Variants in STK24 observed in about 807,000 individuals in gnomAD.
STK24 encodes the protein serine/threonine kinase 24, also known as serine/threonine-protein kinase 24.
Under a neutral mutation model 55.6 loss-of-function variants are expected in STK24, and 21 were observed. The observed-to-expected ratio is 0.38, with a 90% CI of 0.27 to 0.54. STK24 has a LOEUF of 0.54. Ranked by LOEUF, STK24 falls within the 20% of genes least tolerant of loss-of-function variation. The probability of loss-of-function intolerance (pLI) is 0.79; values close to 1 mark genes in which losing one functional copy is unlikely to be tolerated. For synonymous variants in STK24, 200 were observed against 215.2 expected (o/e 0.93, Z 0.62); for missense variants, 383 against 538.4 (o/e 0.71, Z 2.86).
chr13:98,476,642 TC>T (rs1476653905), intron 3 of STK24, among the ~76,000 whole-genome samples: 1 of 152,190 alleles, frequency 6.6e-6, no homozygotes, highest in Non-Finnish European at 1.5e-5. Flanking sequence ...CACATCCTGT[TC>T]CACATCCGGA....
chr13:98,562,239 T>A (rs1337088812), intron 1 of STK24, among the ~76,000 whole-genome samples: 2 of 152,202 alleles, frequency 1.3e-5, no homozygotes, highest in Non-Finnish European at 2.9e-5. Flanking sequence ...CTAGATGCTT[T>A]TGCTTTAAAA....
At chr13:98,459,855 A>T (rs551725224) in intron 9 of STK24, among the ~76,000 whole-genome samples, 1 of 152,306 alleles carries the variant, frequency 6.6e-6, no homozygotes, top group East Asian at 1.9e-4. Flanking sequence ...AAATCTCTCA[A>T]AACACGGCCA....
At chr13:98,513,416 G>A (rs1895951408) in intron 2 of STK24, among the ~76,000 whole-genome samples, 1 of 152,186 alleles carries the variant, frequency 6.6e-6, no homozygotes, top group Non-Finnish European at 1.5e-5. Context: ...CCATCCTGTG[G>A]ACGTGATAAG....
intron 2 of STK24, among the ~76,000 whole-genome samples, chr13:98,516,370 A>C (rs1418167272): frequency 1.3e-5 from 2 of 152,224 alleles, no homozygotes; most frequent in Non-Finnish European, 2.9e-5. Context: ...TAAAGTATCA[A>C]CACTTTTCAA....
At chr13:98,524,207 T>G (rs1896353205) in intron 1 of STK24, among the ~76,000 whole-genome samples, 2 of 152,012 alleles carry the variant, frequency 1.3e-5, no homozygotes, top group African/African-American at 2.4e-5. Context: ...ATAATGGCAC[T>G]AATAACCCAT....
chr13:98,469,893 T>C (rs991722680), intron 5 of STK24, among the ~76,000 whole-genome samples: 1 of 152,192 alleles, frequency 6.6e-6, no homozygotes, highest in African/African-American at 2.4e-5. Context: ...CACAAAAATA[T>C]CCAAACTTGT....
intron 8 of STK24, among the ~76,000 whole-genome samples, chr13:98,461,246 C>T (rs1223212884): frequency 6.6e-6 from 1 of 152,184 alleles, no homozygotes; most frequent in African/African-American, 2.4e-5. Flanking sequence ...GGGACAGCCA[C>T]TGGCCCACCC....
intron 2 of STK24, among the ~76,000 whole-genome samples, chr13:98,505,257 C>T (rs1310368549): frequency 6.6e-6 from 1 of 152,190 alleles, no homozygotes; most frequent in African/African-American, 2.4e-5. Context: ...AATAGCAATT[C>T]ATTCTCAAAA....
chr13:98,562,168 G>C (rs780352153), intron 1 of STK24, among the ~76,000 whole-genome samples: 2 of 152,202 alleles, frequency 1.3e-5, no homozygotes, highest in Non-Finnish European at 2.9e-5. Context: ...TTAAGGAAAT[G>C]TGTGTACGCA....
At chr13:98,520,144 T>G (rs1896208246) in intron 1 of STK24, among the ~76,000 whole-genome samples, 1 of 151,302 alleles carries the variant, frequency 6.6e-6, no homozygotes, top group Non-Finnish European at 1.5e-5. Context: ...CTGTCAGAGC[T>G]CAAGCTCTCA....
At chr13:98,549,170 T>C (rs868285738) in intron 1 of STK24, among the ~76,000 whole-genome samples, 1 of 152,240 alleles carries the variant, frequency 6.6e-6, no homozygotes, top group Non-Finnish European at 1.5e-5. Context: ...ACAATGCTTG[T>C]GCAACTTCCT....
At chr13:98,555,574 G>A (rs752408428) in intron 1 of STK24, among the ~76,000 whole-genome samples, 14 of 150,918 alleles carry the variant, frequency 9.3e-5, no homozygotes, top group Non-Finnish European at 1.3e-4. Flanking sequence ...GTGAGACTCC[G>A]TCTCAATAAA....
At chr13:98,521,775 C>A (rs140679513) in intron 1 of STK24, 6 of 781,014 alleles carry the variant, frequency 7.7e-6, no homozygotes, top group Non-Finnish European at 1.2e-5. Context: ...TCTCCCTTAC[C>A]GTGCTCCCTC....
chr13:98,546,639 C>T (rs1166782264), intron 1 of STK24, among the ~76,000 whole-genome samples: 1 of 152,192 alleles, frequency 6.6e-6, no homozygotes, highest in Non-Finnish European at 1.5e-5. Flanking sequence ...ACATCGCCCA[C>T]AACAGGCCTG....
At chr13:98,550,376 A>C (rs577971319) in intron 1 of STK24, among the ~76,000 whole-genome samples, 4 of 152,110 alleles carry the variant, frequency 2.6e-5, no homozygotes, top group Non-Finnish European at 5.9e-5. Context: ...CTGTCCCTAC[A>C]AAAAATAGTT....
chr13:98,502,941 C>T (rs1424274268), intron 2 of STK24, among the ~76,000 whole-genome samples: 1 of 151,260 alleles, frequency 6.6e-6, no homozygotes, highest in Non-Finnish European at 1.5e-5. Context: ...GGACTACTAC[C>T]TGTGAGGAAA....
chr13:98,447,844 C>CA lies in STK24; in HGVS notation c.*5328dup, dbSNP rs60019968. ...TGAGTGACAGAGCCAGACCCTGTCTCAAAAAAAAAAGAAAAAGAAAAAAGG... is the reference window on the plus strand; with the variant it reads ...TGAGTGACAGAGCCAGACCCTGTCTCAAAAAAAAAAAGAAAAAGAAAAAAGG... On this transcript the variant is annotated 3_prime_UTR_variant, in exon 11 of 11. Transcript: ENST00000539966. 0.45 allele frequency: 83,295 copies of CA among 183,652 alleles called. 18,064 individuals are homozygous for CA. Among genetic ancestry groups the CA allele is most frequent in the Non-Finnish European group, 0.48 (43,403 of 89,566 alleles). 11.4% of individuals were successfully genotyped at this position (183,652 alleles called of 1,614,324 possible).
chr13:98,488,315 A>G (rs1301505250), intron 2 of STK24, among the ~76,000 whole-genome samples: 1 of 152,124 alleles, frequency 6.6e-6, no homozygotes, highest in East Asian at 1.9e-4. Flanking sequence ...TTAGCAAACG[A>G]ATTCCTGCTG....
chr13:98,482,952 T>C (rs1177583762), intron 2 of STK24, among the ~76,000 whole-genome samples: 2 of 152,230 alleles, frequency 1.3e-5, no homozygotes, highest in Non-Finnish European at 2.9e-5. Flanking sequence ...CTAACATGCA[T>C]GTCTGTGTCC....
Sources: allele counts gnomAD v4.1 joint callset (sites outside exome capture counted in the v4.1 genomes callset), GRCh38; gene constraint gnomAD v4.1.1; transcripts MANE v1.5; gene names NCBI Gene and HGNC (gene_info 2026-07-23, HGNC 2026-07-21).